POLR3E: variants seen among roughly 807,000 people sequenced by gnomAD.
POLR3E encodes the protein DNA-directed RNA polymerase III subunit RPC5.
Under a neutral mutation model 96.6 loss-of-function variants are expected in POLR3E, and 41 were observed. That is an observed-to-expected ratio of 0.42 (90% confidence interval 0.33 to 0.55). The LOEUF (loss-of-function observed/expected upper bound fraction) is 0.55. Ranked by LOEUF, POLR3E falls within the 20% of genes least tolerant of loss-of-function variation. POLR3E has a pLI of 0.06. For synonymous variants in POLR3E, 396 were observed against 383.6 expected, an observed-to-expected ratio of 1.03 and a Z score of -0.38; for missense variants, 849 against 952.1, an observed-to-expected ratio of 0.89 and a Z score of 1.43.
In POLR3E at chr16:22,324,558, A is replaced by G. The variant is rs779398671; in HGVS notation, c.1184A>G (p.Asn395Ser). Residue 395 changes from asparagine to serine, a missense_variant, in exon 16 of 21, where the codon AAC becomes AGC. Physicochemically the swap from Asn to Ser is conservative, Grantham distance 46 (BLOSUM62 1). Transcript: ENST00000299853. ...GAGCACATGGCCGTGGTGAGGATCA[A>G]CAAAGGCTGGGAGTTCATTCTGCCT... Reference protein sequence around the residue: ...FLEHMAVVRINKGWEFILPYD... With the variant: ...FLEHMAVVRISKGWEFILPYD... 8 of 1,613,252 alleles carry G rather than the reference A, an allele frequency of 5.0e-6. 1 individual carries two copies. The South Asian group carries it at 8.8e-5, about 18-fold the overall frequency.
chr16:22,325,590 T>C (rs1176627871), intron 17 of POLR3E, among the ~76,000 whole-genome samples, 171 bp from the exon 18 acceptor site: 3 of 152,088 alleles, frequency 2.0e-5, no homozygotes, highest in Non-Finnish European at 4.4e-5. Context: ...CCCGCATGAC[T>C]CTCGGCACGC....
chr16:22,321,073 G>A lies in POLR3E; in HGVS notation c.987-1777G>A, dbSNP rs575280681. Reference sequence around the variant, plus strand: ...GATGCCTTTCAGTGGTTTCTCTTCGGCGAATCCTCCCCTAGACCATGTGCT... The same window carrying A: ...GATGCCTTTCAGTGGTTTCTCTTCGACGAATCCTCCCCTAGACCATGTGCT... On this transcript the variant is annotated intron_variant, in intron 13 of 20. Transcript: ENST00000299853. Among the ~76,000 whole-genome samples the A allele has an allele frequency of 1.7e-4, 26 of 152,174 alleles. No homozygotes were observed. In the South Asian group the frequency reaches 5.4e-3, roughly 32 times the overall value.
At chr16:22,331,974 C>T (rs1413155686) in intron 19 of POLR3E, 86 bp from the exon 20 acceptor site, 1 of 1,385,588 alleles carries the variant, frequency 7.2e-7, no homozygotes, top group Non-Finnish European at 1.0e-6. Flanking sequence ...AACACAAAGT[C>T]AGGTGCATGG....
chr16:22,323,530 C>T (rs2048513665), intron 14 of POLR3E, among the ~76,000 whole-genome samples: 1 of 152,150 alleles, frequency 6.6e-6, no homozygotes, highest in Non-Finnish European at 1.5e-5. Context: ...CTGTCCCACA[C>T]CCCTTGGCAC....
chr16:22,323,929 G>A (rs1366145874), intron 14 of POLR3E, among the ~76,000 whole-genome samples: 1 of 152,200 alleles, frequency 6.6e-6, no homozygotes, highest in Non-Finnish European at 1.5e-5. Flanking sequence ...GAGGCAGAGT[G>A]GGGGCTGCAG....
intron 1 of POLR3E, among the ~76,000 whole-genome samples, chr16:22,298,566 A>G (rs1007890134): frequency 1.3e-5 from 2 of 152,174 alleles, no homozygotes; most frequent in African/African-American, 4.8e-5. Flanking sequence ...GTGGGATTTG[A>G]ACCTGCACAG....
intron 4 of POLR3E, chr16:22,308,591 G>A: frequency 2.3e-6 from 1 of 441,904 alleles, no homozygotes; most frequent in African/African-American, 2.0e-5. Flanking sequence ...TCCCAGTATT[G>A]CCAGTTCTGC....
chr16:22,314,208 A>G, intron 8 of POLR3E, 80 bp downstream of exon 8: 1 of 1,125,520 alleles, frequency 8.9e-7, no homozygotes, highest in Non-Finnish European at 1.3e-6. Flanking sequence ...GGGTCTTCAC[A>G]GAATGCAGGT....
At chr16:22,323,776 T>C (rs1281034089) in intron 14 of POLR3E, among the ~76,000 whole-genome samples, 1 of 152,140 alleles carries the variant, frequency 6.6e-6, no homozygotes, top group African/African-American at 2.4e-5. Context: ...GTGTAGACAC[T>C]GTCAGAACTG....
intron 19 of POLR3E, among the ~76,000 whole-genome samples, chr16:22,330,465 C>T (rs972134503): frequency 6.6e-6 from 1 of 152,208 alleles, no homozygotes; most frequent in South Asian, 2.1e-4. Flanking sequence ...TAGAGCCAAA[C>T]ATCAGTAATA....
chr16:22,325,842 G>C lies in POLR3E; in HGVS notation c.1430G>C (p.Arg477Pro), dbSNP rs1158784306. The C allele has an allele frequency of 5.0e-6, 8 of 1,612,012 alleles. No homozygotes were observed. In the Admixed American group the frequency reaches 1.3e-4, roughly 27 times the overall value. The change falls in exon 18 of 21, where the codon CGG (arginine) becomes CCG (proline). Residue 477 changes from arginine (R) to proline (P), a missense_variant. Physicochemically the swap from Arg to Pro is moderately radical, Grantham distance 103. Transcript: ENST00000299853. Reference sequence around the variant, plus strand: ...CAGCAGAACCACGCGTTGCTGGAGCGGGAGCTGCAGCGGCGGAAGGAGCAG... The same window carrying C: ...CAGCAGAACCACGCGTTGCTGGAGCCGGAGCTGCAGCGGCGGAAGGAGCAG... ...KAQQNHALLE[R>P]ELQRRKEQLR...
chr16:22,299,180 G>A, intron 1 of POLR3E: 1 of 392,410 alleles, frequency 2.5e-6, no homozygotes, highest in Non-Finnish European at 5.1e-6. Context: ...TTAATAAAAA[G>A]GAGCAACCTT....
intron 6 of POLR3E, among the ~76,000 whole-genome samples, chr16:22,312,553 T>C (rs2048268085): frequency 6.6e-6 from 1 of 151,626 alleles, no homozygotes. Flanking sequence ...TACGTGAGTC[T>C]TGTCCCAAAG....
At chr16:22,320,307 G>T (rs2048443276) in intron 13 of POLR3E, among the ~76,000 whole-genome samples, 2 of 152,040 alleles carry the variant, frequency 1.3e-5, no homozygotes, top group African/African-American at 4.8e-5. Flanking sequence ...TCTTGCCCAG[G>T]CTGGGGTGCA....
intron 2 of POLR3E, among the ~76,000 whole-genome samples, 199 bp from the exon 3 acceptor site, chr16:22,304,957 C>G (rs2048104534): frequency 6.6e-6 from 1 of 152,154 alleles, no homozygotes; most frequent in Admixed American, 6.5e-5. Flanking sequence ...CCCCTGGGAG[C>G]TTTCAGGAGG....
At chr16:22,332,216 T>G (rs1415691330) in intron 20 of POLR3E, 31 bp downstream of exon 20, 1 of 1,600,486 alleles carries the variant, frequency 6.2e-7, no homozygotes, top group Non-Finnish European at 8.5e-7. Flanking sequence ...ACAAACAATA[T>G]CAAAGGCTCT....
chr16:22,320,713 A>C (rs953045791), intron 13 of POLR3E, among the ~76,000 whole-genome samples: 3 of 152,166 alleles, frequency 2.0e-5, no homozygotes, highest in Non-Finnish European at 4.4e-5. Flanking sequence ...CTGCCTAAAG[A>C]ATGCTATAGT....
chr16:22,318,334 T>C lies in POLR3E; in HGVS notation c.866-492T>C, dbSNP rs899994986. Among the ~76,000 whole-genome samples, 1 of 152,184 alleles carries C rather than the reference T, an allele frequency of 6.6e-6. No individual in the cohort carries two copies. The highest frequency in any genetic ancestry group is 1.5e-5 in the Non-Finnish European group (1 of 68,036). ...GTCTCAAATTCCTGGCCTCAAGTGATCTGCCTCCCTCGGCCTCCCAAAGTG... is the reference window on the plus strand; with the variant it reads ...GTCTCAAATTCCTGGCCTCAAGTGACCTGCCTCCCTCGGCCTCCCAAAGTG... On this transcript the variant is annotated intron_variant, in intron 12 of 20. Coordinates refer to ENST00000299853, the MANE Select transcript of POLR3E (RefSeq NM_018119.4). The surrounding 1 kb of genome is among the most constrained non-coding windows in gnomAD (Gnocchi z 5.0).
intron 4 of POLR3E, chr16:22,308,440 T>C (rs2048178789): frequency 1.8e-6 from 1 of 558,532 alleles, no homozygotes; most frequent in African/African-American, 1.9e-5. Context: ...AATGAGAGAA[T>C]GGGGCCAGAT....
Sources: allele counts gnomAD v4.1 joint callset (sites outside exome capture counted in the v4.1 genomes callset), GRCh38; gene constraint gnomAD v4.1.1; non-coding constraint Gnocchi (gnomAD v3.1); transcripts MANE v1.5; gene names NCBI Gene and HGNC (gene_info 2026-07-23, HGNC 2026-07-21).